Variants in PCDHGA2 observed in about 807,000 individuals in gnomAD.
The protein encoded by PCDHGA2 is protocadherin gamma subfamily A, 2, also known as protocadherin gamma-A2.
A neutral mutation model predicts 59.2 loss-of-function variants in PCDHGA2; 40 were observed. The ratio of observed to expected loss-of-function variants is 0.68; its 90% CI spans 0.52 to 0.88. The LOEUF (loss-of-function observed/expected upper bound fraction) is 0.88, where lower values mean the gene tolerates loss of function less well. Among genes scored for constraint, PCDHGA2 ranks in the 40% least tolerant of loss-of-function variants. The pLI, the probability that PCDHGA2 is intolerant of heterozygous loss-of-function variation, is 0.00. For synonymous variants in PCDHGA2, 560 were observed against 526.0 expected, an observed-to-expected ratio of 1.06 and a Z score of -0.89; for missense variants, 1,226 against 1,204.0, an observed-to-expected ratio of 1.02 and a Z score of -0.27.
intron 1 of PCDHGA2, among the ~76,000 whole-genome samples, chr5:141,460,285 T>C (rs1283830175): frequency 1.3e-5 from 2 of 152,154 alleles, no homozygotes; most frequent in Admixed American, 6.5e-5. Context: ...ATAGTTTGTA[T>C]TTCTTATGTC....
Position 141,476,659 on chromosome 5 carries a change from G to C in PCDHGA2, c.2425-18148G>C. On this transcript the variant is annotated intron_variant, in intron 1 of 3. Transcript: ENST00000394576. This position sits in a 1 kb window ranked among gnomAD's most constrained non-coding sequence, Gnocchi z 7.6. ...AGCTGAGCCGAAATGAATACTTTGCGCTTCGCGTGCAGACGCGGGAGGACA... is the reference window on the plus strand; with the variant it reads ...AGCTGAGCCGAAATGAATACTTTGCCCTTCGCGTGCAGACGCGGGAGGACA... 1 of 1,614,252 alleles carries C rather than the reference G, an allele frequency of 6.2e-7. No individual in the cohort carries two copies. The highest frequency in any genetic ancestry group is 8.5e-7 in the Non-Finnish European group (1 of 1,180,048).
intron 1 of PCDHGA2, chr5:141,408,349 C>T: frequency 6.2e-7 from 1 of 1,613,924 alleles, no homozygotes; most frequent in Non-Finnish European, 8.5e-7. Context: ...TGGTGGGGAA[C>T]CTCGCTAAGG....
chr5:141,395,097 G>A lies in PCDHGA2; in HGVS notation c.2424+53702G>A, dbSNP rs376460647. The A allele has an allele frequency of 1.3e-5, 21 of 1,614,040 alleles. No homozygotes were observed. Among genetic ancestry groups the A allele is most frequent in the Non-Finnish European group, 1.7e-5 (20 of 1,180,038 alleles). On this transcript the variant is annotated intron_variant, in intron 1 of 3. Coordinates refer to ENST00000394576, the MANE Select transcript of PCDHGA2 (RefSeq NM_018915.4). ...TTCCCAGGAAGTCTCCCTCACCGCC[G>A]ACTCGCGGAAGAGTCACCTGATCTT...
At chr5:141,500,782 T>G (rs2099802612) in intron 2 of PCDHGA2, among the ~76,000 whole-genome samples, 2 of 152,222 alleles carry the variant, frequency 1.3e-5, no homozygotes, top group Admixed American at 1.3e-4. Context: ...ATATACATAT[T>G]ATTTTACAGA....
At position 141,499,689 on chromosome 5, in the gene PCDHGA2, C is replaced by CTT. The variant is rs545067566; in HGVS notation, c.2483+4845_2483+4846dup. 4.8e-3 allele frequency among the ~76,000 whole-genome samples: 577 copies of CTT among 119,808 alleles called. 2 individuals carry two copies. Among genetic ancestry groups the CTT allele is most frequent in the Non-Finnish European group, 6.7e-3 (386 of 57,912 alleles). 78.6% of individuals were successfully genotyped at this position (119,808 alleles called of 152,430 possible). A position where few individuals can be genotyped will look rare whatever the true frequency, so the allele number is the denominator to read the frequency against. On this transcript the variant is annotated intron_variant, in intron 2 of 3. Coordinates refer to ENST00000394576, the MANE Select transcript of PCDHGA2 (RefSeq NM_018915.4). ...GGTCTCCACCATCTTTAACAGATGA[C>CTT]TTTTTTTTTTTTTTTTTTTTTTGGA...
At chr5:141,382,840 A>C in intron 1 of PCDHGA2, 1 of 1,450,368 alleles carries the variant, frequency 6.9e-7, no homozygotes, top group Admixed American at 2.3e-5. Flanking sequence ...CCACCCGGAT[A>C]CACCCGCATT....
chr5:141,407,599 AAAG>A (rs1328416590), intron 1 of PCDHGA2, among the ~76,000 whole-genome samples: 13 of 152,198 alleles, frequency 8.5e-5, no homozygotes, highest in Admixed American at 2.0e-4. Flanking sequence ...CTCATCTTAA[AAAG>A]AAGCATTGGT....
chr5:141,392,202 T>A (rs534571054), intron 1 of PCDHGA2: 1 of 152,352 alleles, frequency 6.6e-6, no homozygotes, highest in South Asian at 2.1e-4. Context: ...AGTCTCAAGA[T>A]AAATTCATTT....
chr5:141,409,872 A>G (rs1283725014), intron 1 of PCDHGA2: 1 of 1,612,710 alleles, frequency 6.2e-7, no homozygotes, highest in Non-Finnish European at 8.5e-7. Flanking sequence ...GACCGCAATG[A>G]CAACGCACCG....
At chr5:141,422,597 C>T in intron 1 of PCDHGA2, 1 of 1,614,102 alleles carries the variant, frequency 6.2e-7, no homozygotes, top group Non-Finnish European at 8.5e-7. Context: ...CCTCACTCCT[C>T]TTACTCTGCC....
intron 1 of PCDHGA2, chr5:141,350,631 A>G (rs1199148713): frequency 1.9e-6 from 3 of 1,613,932 alleles, no homozygotes; most frequent in Non-Finnish European, 2.5e-6. Flanking sequence ...CAAGATATTA[A>G]TGACAATGCA....
intron 1 of PCDHGA2, chr5:141,370,382 C>T (rs1326664452): frequency 6.5e-7 from 1 of 1,532,830 alleles, no homozygotes; most frequent in Non-Finnish European, 8.8e-7. Flanking sequence ...AAGGCAAAGG[C>T]GCAGAGAGCG....
At position 141,400,548 on chromosome 5, in the gene PCDHGA2, T is replaced by G. The variant is rs551157559; in HGVS notation, c.2424+59153T>G. On this transcript the variant is annotated intron_variant, in intron 1 of 3. Transcript: ENST00000394576. ...TGGTGAGTTTCATTTATGTCTATTC[T>G]TTTTCATTACCCACCCAATTTTCTG... is the stretch of plus-strand genomic sequence containing the variant. 3.3e-4 allele frequency: 529 copies of G among 1,613,654 alleles called. 1 individual carries two copies. In the South Asian group the frequency reaches 4.9e-3, roughly 15 times the overall value.
Position 141,346,617 on chromosome 5 carries a change from G to C in PCDHGA2, c.2424+5222G>C, listed in dbSNP as rs559786275. The C allele has an allele frequency of 5.6e-6, 6 of 1,075,600 alleles. No homozygotes were observed. In the African/African-American group the frequency reaches 9.6e-5, roughly 17 times the overall value. The allele number at this position is 1,075,600 out of a possible 1,614,324, so 66.6% of individuals were successfully genotyped here. A position where few individuals can be genotyped will look rare whatever the true frequency, so the allele number is the denominator to read the frequency against. On this transcript the variant is annotated intron_variant, in intron 1 of 3. Transcript: ENST00000394576. ...TTCTTTCTGGGCCTATAGTAGGACT[G>C]CACTCCCCGGTCTGGTTATGGTTGA...
In PCDHGA2 at chr5:141,431,202, C is replaced by T. The variant is rs2097350864; in HGVS notation, c.2425-63605C>T. The stretch of plus-strand genomic sequence containing the variant: ...ATAAAAATTAGTGAAAATGCAGCCA[C>T]TGAGATGCGGTTCCCTCTACCCCAC... On this transcript the variant is annotated intron_variant, in intron 1 of 3. Coordinates refer to ENST00000394576, the MANE Select transcript of PCDHGA2 (RefSeq NM_018915.4). The surrounding 1 kb of genome is among the most constrained non-coding windows in gnomAD (Gnocchi z 4.8). 6.2e-7 allele frequency: 1 copy of T among 1,614,204 alleles called. No individual in the cohort carries two copies. Among genetic ancestry groups the T allele is most frequent in the Non-Finnish European group, 8.5e-7 (1 of 1,180,052 alleles).
intron 1 of PCDHGA2, among the ~76,000 whole-genome samples, chr5:141,480,151 C>T (rs543997143): frequency 1.3e-5 from 2 of 152,162 alleles, no homozygotes; most frequent in African/African-American, 4.8e-5. Context: ...TTAGCCAGCT[C>T]CTAGCATTTT....
At chr5:141,352,616 T>C (rs1287567761) in intron 1 of PCDHGA2, 6 of 1,613,192 alleles carry the variant, frequency 3.7e-6, no homozygotes, top group Non-Finnish European at 5.1e-6. Flanking sequence ...TATGGTTGTA[T>C]GTGCCAGTAA....
At chr5:141,407,328 A>G (rs1016529734) in intron 1 of PCDHGA2, among the ~76,000 whole-genome samples, 1 of 152,210 alleles carries the variant, frequency 6.6e-6, no homozygotes, top group Admixed American at 6.5e-5. Flanking sequence ...ATTTATAAAT[A>G]TTGAAATGTA....
At chr5:141,360,400 A>G (rs748670827) in intron 1 of PCDHGA2, 6 of 1,613,978 alleles carry the variant, frequency 3.7e-6, no homozygotes, top group Non-Finnish European at 5.1e-6. Context: ...TGTGAGTGAC[A>G]GAATAGACCG....
Sources: allele counts gnomAD v4.1 joint callset (sites outside exome capture counted in the v4.1 genomes callset), GRCh38; gene constraint gnomAD v4.1.1; non-coding constraint Gnocchi (gnomAD v3.1); transcripts MANE v1.5; gene names NCBI Gene and HGNC (gene_info 2026-07-23, HGNC 2026-07-21).